The following BCL7A variants were observed in gnomAD, a reference collection of about 807,000 sequenced individuals.
BCL7A encodes B-cell CLL/lymphoma 7 protein family member A.
BCL7A carries 11 observed loss-of-function variants against 28.4 expected under a neutral mutation model. That is an observed-to-expected ratio of 0.39 (90% CI 0.24 to 0.64). The LOEUF (loss-of-function observed/expected upper bound fraction) is 0.64. Ranked by LOEUF, BCL7A falls within the 30% of genes least tolerant of loss-of-function variation. The probability of loss-of-function intolerance (pLI) is 0.50; values close to 1 mark genes in which losing one functional copy is unlikely to be tolerated. For synonymous variants in BCL7A, 123 were observed against 103.3 expected (o/e 1.19, Z -1.15); for missense variants, 222 against 274.8 (o/e 0.81, Z 1.36).
intron 1 of BCL7A, among the ~76,000 whole-genome samples, chr12:122,024,077 GC>G (rs1191818550): frequency 6.6e-6 from 1 of 152,118 alleles, no homozygotes; most frequent in East Asian, 1.9e-4. Context: ...CACCCCGCGG[GC>G]CCCGGGGCGG....
chr12:122,022,196 GCCCGCCGCCAGCCGCCTCC>G lies in BCL7A; in HGVS notation c.92+16_92+34del. 1 of 1,447,692 alleles carries G rather than the reference GCCCGCCGCCAGCCGCCTCC, an allele frequency of 6.9e-7. No individual in the cohort carries two copies. The highest frequency in any genetic ancestry group is 9.2e-7 in the Non-Finnish European group (1 of 1,089,984). 89.7% of individuals were successfully genotyped at this position (1,447,692 alleles called of 1,614,324 possible). On this transcript the variant is annotated intron_variant, in intron 1 of 5. Transcript: ENST00000261822. ...AAGTGCGCAAATGGTAAGCGGAGGC[GCCCGCCGCCAGCCGCCTCC>G]CCGGCCGCCCCGAGCCCGAGCGCGG... is the stretch of plus-strand genomic sequence containing the variant.
chr12:122,025,181 G>C (rs1040886279), intron 1 of BCL7A, among the ~76,000 whole-genome samples: 2 of 152,286 alleles, frequency 1.3e-5, no homozygotes, highest in African/African-American at 4.8e-5. Flanking sequence ...GGCGATGGTA[G>C]GAGACGAAAG....
intron 4 of BCL7A, among the ~76,000 whole-genome samples, chr12:122,045,015 G>A (rs974538200): frequency 5.3e-5 from 8 of 152,064 alleles, no homozygotes; most frequent in Admixed American, 2.0e-4. Context: ...CAAACTGGGC[G>A]ACTGAGCAAG....
At position 122,050,783 on chromosome 12, in the gene BCL7A, G is replaced by A. The variant is rs141998616; in HGVS notation, c.440-4022G>A. On this transcript the variant is annotated intron_variant, in intron 4 of 5. Transcript: ENST00000261822. The stretch of plus-strand genomic sequence containing the variant: ...TGCACTCCAGCTTGGGCGACAGAGC[G>A]AGACCCTGTCTCAGCAGAAAATAAA... Among the ~76,000 whole-genome samples the A allele has an allele frequency of 0.01, 1,593 of 152,328 alleles. 61 individuals are homozygous for A. The South Asian group carries it at 0.13, about 12-fold the overall frequency.
At chr12:122,022,444 G>A (rs1028145954) in intron 1 of BCL7A, among the ~76,000 whole-genome samples, 1 of 145,134 alleles carries the variant, frequency 6.9e-6, no homozygotes, top group Admixed American at 6.8e-5. Flanking sequence ...GGCGGGCGCC[G>A]GGGCCAGGCG....
chr12:122,057,188 G>A (rs985942925), intron 5 of BCL7A, among the ~76,000 whole-genome samples: 3 of 152,218 alleles, frequency 2.0e-5, no homozygotes, highest in Non-Finnish European at 4.4e-5. Context: ...GACATGAAGG[G>A]GGCCCAGGCT....
chr12:122,049,517 A>C (rs1212630776), intron 4 of BCL7A, among the ~76,000 whole-genome samples: 1 of 152,056 alleles, frequency 6.6e-6, no homozygotes, highest in Non-Finnish European at 1.5e-5. Context: ...CCCCATCTCT[A>C]CTAAAAATAC....
chr12:122,033,252 C>G (rs1267824283), intron 2 of BCL7A, among the ~76,000 whole-genome samples: 1 of 151,928 alleles, frequency 6.6e-6, no homozygotes, highest in Non-Finnish European at 1.5e-5. Flanking sequence ...CCTTCTATCT[C>G]TGCCTCCTGA....
intron 1 of BCL7A, among the ~76,000 whole-genome samples, chr12:122,023,234 T>C (rs767800101): frequency 6.6e-6 from 1 of 152,278 alleles, no homozygotes; most frequent in East Asian, 1.9e-4. Flanking sequence ...GCTGCCTGAT[T>C]TCAACTTTAT....
intron 1 of BCL7A, among the ~76,000 whole-genome samples, chr12:122,025,173 C>A (rs539488102): frequency 6.6e-6 from 1 of 152,030 alleles, no homozygotes; most frequent in East Asian, 1.9e-4. Flanking sequence ...GACCCCAGGG[C>A]GATGGTAGGA....
At chr12:122,026,992 G>T (rs1421349597) in intron 1 of BCL7A, among the ~76,000 whole-genome samples, 1 of 152,210 alleles carries the variant, frequency 6.6e-6, no homozygotes, top group African/African-American at 2.4e-5. Flanking sequence ...AGAAGCTCAA[G>T]TGTAATGGGA....
chr12:122,061,315 C>G lies in BCL7A; in HGVS notation c.*2152C>G. On this transcript the variant is annotated 3_prime_UTR_variant, in exon 6 of 6. Transcript: ENST00000261822. ...TCTGGACAGGCAAGGGGAGTTGGCG[C>G]AGGTGAGGACTCAGACGACGTCCAC... 8.6e-6 allele frequency: 2 copies of G among 231,342 alleles called. No homozygotes were observed. Among genetic ancestry groups the G allele is most frequent in the Non-Finnish European group, 1.7e-5 (2 of 116,870 alleles). 14.3% of individuals were successfully genotyped at this position (231,342 alleles called of 1,614,324 possible).
At chr12:122,023,624 T>C in intron 1 of BCL7A, among the ~76,000 whole-genome samples, 1 of 152,288 alleles carries the variant, frequency 6.6e-6, no homozygotes, top group African/African-American at 2.4e-5. Context: ...CAAAGAATTT[T>C]CAGAACCGTG....
At chr12:122,027,536 T>C (rs1410297186) in intron 1 of BCL7A, among the ~76,000 whole-genome samples, 1 of 151,704 alleles carries the variant, frequency 6.6e-6, no homozygotes, top group East Asian at 1.9e-4. Context: ...GGAGACCTTA[T>C]CTCAAAAAAA....
At chr12:122,023,199 G>A (rs543071219) in intron 1 of BCL7A, among the ~76,000 whole-genome samples, 54 of 152,302 alleles carry the variant, frequency 3.5e-4, no homozygotes, top group African/African-American at 1.3e-3. Context: ...TCGCCAGGTT[G>A]GGTCAGAGTT....
rs576406527 is a variant in BCL7A at position 122,038,976 on chromosome 12, A to C, written c.271+3549A>C. ...GATCACTTGAGCCCAGGAGTTTGAGACCAGCCTGGGCAACACAGGGAGACC... is the reference window on the plus strand; with the variant it reads ...GATCACTTGAGCCCAGGAGTTTGAGCCCAGCCTGGGCAACACAGGGAGACC... On this transcript the variant is annotated intron_variant, in intron 3 of 5. Coordinates refer to ENST00000261822, the MANE Select transcript of BCL7A (RefSeq NM_001024808.3). Among the ~76,000 whole-genome samples, 6 of 151,964 alleles carry C rather than the reference A, an allele frequency of 3.9e-5. No homozygotes were observed. In the East Asian group the frequency reaches 9.7e-4, roughly 24 times the overall value.
intron 2 of BCL7A, among the ~76,000 whole-genome samples, chr12:122,033,268 T>C (rs1316431115): frequency 6.6e-6 from 1 of 152,082 alleles, no homozygotes; most frequent in African/African-American, 2.4e-5. Context: ...CCTGAGTAGC[T>C]GAGACTGCAG....
chr12:122,023,962 C>G (rs1593020271), intron 1 of BCL7A, among the ~76,000 whole-genome samples: 2 of 152,294 alleles, frequency 1.3e-5, no homozygotes, highest in Middle Eastern at 3.4e-3. Context: ...GTGGGGCCTC[C>G]TACTCCAGGT....
intron 3 of BCL7A, among the ~76,000 whole-genome samples, chr12:122,041,322 G>A (rs1883962335): frequency 6.6e-6 from 1 of 152,208 alleles, no homozygotes; most frequent in Non-Finnish European, 1.5e-5. Flanking sequence ...TCTGCCCAGT[G>A]CCTGGCATGG....
Sources: gnomAD v4.1 joint callset for allele counts (sites outside exome capture counted in the v4.1 genomes callset) on GRCh38, gnomAD v4.1.1 for gene constraint, MANE v1.5 for transcripts, NCBI Gene and HGNC (gene_info 2026-07-23, HGNC 2026-07-21) for gene names.